Variants in GUCY2F observed in about 807,000 individuals in gnomAD.
The protein encoded by GUCY2F is retinal guanylyl cyclase 2.
In GUCY2F, 61 loss-of-function variants were observed where a neutral mutation model predicts 73.1. The observed-to-expected ratio is 0.83, with a 90% CI of 0.68 to 1.03. The LOEUF is 1.03. Ranked by LOEUF, GUCY2F falls within the 50% of genes least tolerant of loss-of-function variation. GUCY2F has a pLI of 0.00. For synonymous variants in GUCY2F, 331 were observed against 307.8 expected, an observed-to-expected ratio of 1.08 and a Z score of -0.79; for missense variants, 912 against 854.3, an observed-to-expected ratio of 1.07 and a Z score of -0.84.
intron 8 of GUCY2F, among the ~76,000 whole-genome samples, chrX:109,425,392 A>G (rs903143469): frequency 9.3e-6 from 1 of 107,498 alleles, no homozygotes; most frequent in Admixed American, 1.0e-4. Context: ...ATATGTATAT[A>G]TATATATTAT....
At chrX:109,473,079 A>G (rs2147284600) in intron 2 of GUCY2F, among the ~76,000 whole-genome samples, 1 of 111,068 alleles carries the variant, frequency 9.0e-6, no homozygotes, top group East Asian at 2.9e-4. Flanking sequence ...ATTCTGACTC[A>G]TGTCACTGAG....
intron 17 of GUCY2F, among the ~76,000 whole-genome samples, chrX:109,376,440 G>T (rs958973223): frequency 8.9e-6 from 1 of 112,098 alleles, no homozygotes; most frequent in Non-Finnish European, 1.9e-5. Context: ...TGAAGATTTT[G>T]CTTATCATTT....
intron 10 of GUCY2F, among the ~76,000 whole-genome samples, chrX:109,403,221 T>C (rs746157156): frequency 9.0e-6 from 1 of 111,042 alleles, no homozygotes; most frequent in Admixed American, 9.6e-5. Flanking sequence ...TCTTCCCTGG[T>C]TCTCACCCAC....
At chrX:109,477,510 G>A (rs1386155176) in intron 1 of GUCY2F, among the ~76,000 whole-genome samples, 1 of 112,090 alleles carries the variant, frequency 8.9e-6, no homozygotes, top group Admixed American at 9.4e-5. Context: ...CTGAATAAGA[G>A]TTATAAATTT....
At chrX:109,467,334 G>A (rs1018819976) in intron 2 of GUCY2F, among the ~76,000 whole-genome samples, 1 of 111,749 alleles carries the variant, frequency 8.9e-6, no homozygotes, top group Admixed American at 9.5e-5. Flanking sequence ...CAGAGGCTTC[G>A]GTTGGCCAGT....
intron 17 of GUCY2F, 71 bp downstream of exon 17, chrX:109,382,047 A>G (rs556368618): frequency 2.8e-5 from 16 of 561,661 alleles, no homozygotes; most frequent in Middle Eastern, 6.6e-4. Flanking sequence ...AAACTCTTTC[A>G]GCAGACCATG....
intron 9 of GUCY2F, among the ~76,000 whole-genome samples, chrX:109,407,413 C>G (rs772874021): frequency 8.8e-6 from 1 of 113,102 alleles, no homozygotes; most frequent in East Asian, 2.8e-4. Flanking sequence ...CAGAGCATAA[C>G]AGTTTAGAAA....
intron 16 of GUCY2F, 113 bp from the exon 17 acceptor site, chrX:109,382,325 G>A (rs993358777): frequency 3.7e-5 from 18 of 486,699 alleles, no homozygotes; most frequent in Middle Eastern, 3.8e-4. Flanking sequence ...CATTAGCAAC[G>A]TCCTGAGAGA....
chrX:109,392,183 T>A, intron 13 of GUCY2F, 80 bp from the exon 14 acceptor site: 5 of 665,000 alleles, frequency 7.5e-6, no homozygotes, highest in Non-Finnish European at 1.1e-5. Context: ...ATACACCAAA[T>A]AAACCTCTAA....
intron 6 of GUCY2F, among the ~76,000 whole-genome samples, chrX:109,442,791 C>T (rs1931905311): frequency 9.0e-6 from 1 of 111,526 alleles, no homozygotes. Context: ...AACCTGAACA[C>T]TCCCCAACAG....
At chrX:109,416,701 T>A (rs1370637273) in intron 8 of GUCY2F, among the ~76,000 whole-genome samples, 2 of 110,523 alleles carry the variant, frequency 1.8e-5, no homozygotes, top group Non-Finnish European at 3.8e-5. Context: ...ACAAAGAAAA[T>A]GCCCTGCATA....
chrX:109,388,748 G>T, intron 14 of GUCY2F, 85 bp from the exon 15 acceptor site: 1 of 597,600 alleles, frequency 1.7e-6, no homozygotes, highest in Non-Finnish European at 2.7e-6. Context: ...ATGGAGGCCA[G>T]GTGGTCTTGT....
In GUCY2F at chrX:109,438,850, C is replaced by T. The variant is rs140644039; in HGVS notation, c.1701+2501G>A. ...AGGATCTTTGTGGTGGCCCTGACTCCACAGTTCTGCTGAGTATTGCCCTAG... is the reference window on the plus strand; with the variant it reads ...AGGATCTTTGTGGTGGCCCTGACTCTACAGTTCTGCTGAGTATTGCCCTAG... On this transcript the variant is annotated intron_variant, in intron 7 of 19. Transcript: ENST00000218006. Among the ~76,000 whole-genome samples, 127 of 112,867 alleles carry T rather than the reference C, an allele frequency of 1.1e-3. 1 individual carries two copies. The highest frequency in any genetic ancestry group is 9.4e-3 in the Admixed American group (101 of 10,740).
intron 1 of GUCY2F, among the ~76,000 whole-genome samples, chrX:109,479,947 C>T (rs1212133455): frequency 9.0e-6 from 1 of 111,549 alleles, no homozygotes; most frequent in East Asian, 2.8e-4. Context: ...AAGCATGTAC[C>T]TCAGGAGGGA....
chrX:109,380,263 G>A (rs1189188568), intron 17 of GUCY2F, among the ~76,000 whole-genome samples: 2 of 112,038 alleles, frequency 1.8e-5, no homozygotes, highest in Non-Finnish European at 3.8e-5. Context: ...CAGTAGCACA[G>A]AGTGGATGAG....
rs768377831 is a variant in GUCY2F at position 109,388,491 on chromosome X, G to A, written c.2954C>T (p.Ser985Leu). The change falls in exon 15 of 20, where the codon TCA becomes TTA. Residue 985 changes from serine to leucine, a missense_variant and splice_region_variant. By Grantham distance (145) the Ser-to-Leu change is moderately radical (BLOSUM62 -2). Coordinates refer to ENST00000218006, the MANE Select transcript of GUCY2F (RefSeq NM_001522.3). ...VPVRIRIGLH[S>L]GPVVAGVVGL... is the part of the protein sequence containing the mutation. ...CTCTTACTTTAACTGGTTATTACCTGAGTGAAGGCCAATTCGAATTCGGAC... is the reference window on the plus strand; with the variant it reads ...CTCTTACTTTAACTGGTTATTACCTAAGTGAAGGCCAATTCGAATTCGGAC... 4.2e-6 allele frequency: 5 copies of A among 1,194,559 alleles called. No individual in the cohort carries two copies. The highest frequency in any genetic ancestry group is 5.7e-6 in the Non-Finnish European group (5 of 882,213).
intron 10 of GUCY2F, 28 bp downstream of exon 10, chrX:109,404,300 C>T (rs779336404): frequency 1.7e-5 from 18 of 1,084,145 alleles, no homozygotes; most frequent in Non-Finnish European, 2.2e-5. Flanking sequence ...ACCTCGTGTG[C>T]ATCAGAAGGG....
intron 12 of GUCY2F, among the ~76,000 whole-genome samples, chrX:109,393,590 T>C (rs1930627521): frequency 9.0e-6 from 1 of 111,701 alleles, no homozygotes; most frequent in Non-Finnish European, 1.9e-5. Context: ...CCCCTATTTC[T>C]TACCGTGGAG....
At chrX:109,423,040 C>A (rs1212989472) in intron 8 of GUCY2F, among the ~76,000 whole-genome samples, 1 of 112,156 alleles carries the variant, frequency 8.9e-6, no homozygotes, top group Non-Finnish European at 1.9e-5. Context: ...GCAAGTTAAA[C>A]AAACAAACAG....
Sources: allele counts gnomAD v4.1 joint callset (sites outside exome capture counted in the v4.1 genomes callset), GRCh38; gene constraint gnomAD v4.1.1; transcripts MANE v1.5; gene names NCBI Gene and HGNC (gene_info 2026-07-23, HGNC 2026-07-21).